PPP2R2C: variants seen among roughly 807,000 people sequenced by gnomAD.
PPP2R2C encodes the protein protein phosphatase 2, regulatory subunit B, gamma.
A neutral mutation model predicts 45.3 loss-of-function variants in PPP2R2C; 10 were observed. The observed-to-expected ratio is 0.22, with a 90% CI of 0.14 to 0.37. PPP2R2C has a LOEUF of 0.37. Among genes scored for constraint, PPP2R2C ranks in the 10% least tolerant of loss-of-function variants. The pLI is 1.00. For missense variants in PPP2R2C, 308 were observed against 619.7 expected (o/e 0.50, Z 5.34); for synonymous variants, 257 against 245.4 (o/e 1.05, Z -0.44).
chr4:6,403,148 C>CCCCA (rs1671353684), intron 1 of PPP2R2C, among the ~76,000 whole-genome samples: 1 of 152,244 alleles, frequency 6.6e-6, no homozygotes, highest in African/African-American at 2.4e-5. Context: ...GTGGGTGCCT[C>CCCCA]CCCACGTGGG....
chr4:6,408,313 T>C (rs1717932967), intron 1 of PPP2R2C, among the ~76,000 whole-genome samples: 1 of 152,102 alleles, frequency 6.6e-6, no homozygotes, highest in South Asian at 2.1e-4. Flanking sequence ...GTAGAACTGG[T>C]TTCTCCTCCT....
At chr4:6,474,059 C>G (rs1025852164), upstream of PPP2R2C, among the ~76,000 whole-genome samples, 1 of 152,164 alleles carries the variant, frequency 6.6e-6, no homozygotes, top group East Asian at 1.9e-4. Flanking sequence ...CATTCAAGGA[C>G]CAGGTAAATG....
At chr4:6,562,335 C>G (rs767360748) in intron 1 of PPP2R2C, among the ~76,000 whole-genome samples, 36 of 152,114 alleles carry the variant, frequency 2.4e-4, no homozygotes, top group Non-Finnish European at 4.9e-4. Context: ...GAGCACATGC[C>G]AAAGAGGACT....
intron 1 of PPP2R2C, among the ~76,000 whole-genome samples, chr4:6,537,151 C>A (rs945190005): frequency 6.6e-6 from 1 of 151,848 alleles, no homozygotes; most frequent in Non-Finnish European, 1.5e-5. Flanking sequence ...CACAGTGAGC[C>A]GAGATCGCTG....
intron 5 of PPP2R2C, chr4:6,350,875 G>T: frequency 1.0e-6 from 1 of 985,436 alleles, no homozygotes; most frequent in South Asian, 4.7e-5. Flanking sequence ...TGAGTGGGAG[G>T]TGTGAAGTGG....
chr4:6,425,847 TTATGTGTG>T (rs1302194776), intron 1 of PPP2R2C, among the ~76,000 whole-genome samples: 3 of 151,222 alleles, frequency 2.0e-5, no homozygotes, highest in African/African-American at 4.9e-5. Flanking sequence ...GGTGTGTGTG[TTATGTGTG>T]TATGTGTGGG....
Position 6,378,296 on chromosome 4 carries a change from G to A in PPP2R2C, c.334+111C>T. The A allele has an allele frequency of 2.6e-6, 4 of 1,552,404 alleles. No individual in the cohort carries two copies. In the South Asian group the frequency reaches 3.6e-5, roughly 14 times the overall value. On this transcript the variant is annotated intron_variant, in intron 3 of 8. Coordinates refer to ENST00000382599, the MANE Select transcript of PPP2R2C (RefSeq NM_020416.4). This position sits in a 1 kb window ranked among gnomAD's most constrained non-coding sequence, Gnocchi z 5.2. ...GCTCAAAAAGGATATTATTTTCTAG[G>A]CGTTCTGAAGACATAGAAAAATGCT...
intron 2 of PPP2R2C, among the ~76,000 whole-genome samples, chr4:6,511,546 ATGGTG>A (rs1723496121): frequency 2.3e-4 from 1 of 4,362 alleles, no homozygotes; most frequent in Non-Finnish European, 4.7e-4. Flanking sequence ...GGTGGTGGTG[ATGGTG>A]GTGGTGGTGG....
chr4:6,495,307 G>T (rs1459276480), intron 2 of PPP2R2C, among the ~76,000 whole-genome samples: 1 of 152,246 alleles, frequency 6.6e-6, no homozygotes, highest in African/African-American at 2.4e-5. Flanking sequence ...GAGGCTGGAA[G>T]GACAGTTGGC....
intron 1 of PPP2R2C, among the ~76,000 whole-genome samples, chr4:6,410,007 T>A (rs1718055970): frequency 6.6e-6 from 1 of 152,204 alleles, no homozygotes; most frequent in South Asian, 2.1e-4. Context: ...TGTCATCATC[T>A]GCATGACATG....
chr4:6,408,544 G>T (rs1324132286), intron 1 of PPP2R2C, among the ~76,000 whole-genome samples: 1 of 152,222 alleles, frequency 6.6e-6, no homozygotes, highest in East Asian at 1.9e-4. Flanking sequence ...AGGTAGGATG[G>T]TGTAAACTGA....
In PPP2R2C at chr4:6,328,106, A is replaced by C. The variant is rs1732105798; in HGVS notation, c.1052+1156T>G. 6.6e-6 allele frequency among the ~76,000 whole-genome samples: 1 copy of C among 151,924 alleles called. No individual in the cohort carries two copies. ...CCCTCAGAGGTCTGGGAGAGCCCAG[A>C]CCTGTCATGTTGACTGATGCCATCC... On this transcript the variant is annotated intron_variant, in intron 8 of 8. Coordinates refer to ENST00000382599, the MANE Select transcript of PPP2R2C (RefSeq NM_020416.4). The surrounding 1 kb of genome is among the most constrained non-coding windows in gnomAD (Gnocchi z 4.4).
In PPP2R2C at chr4:6,372,512, G is replaced by A. The variant is rs201047302; in HGVS notation, c.625+11C>T. 6.8e-4 allele frequency: 1,101 copies of A among 1,613,260 alleles called. 1 individual carries two copies. The highest frequency in any genetic ancestry group is 8.7e-4 in the Non-Finnish European group (1,031 of 1,179,326). On this transcript the variant is annotated intron_variant, in intron 5 of 8. Coordinates refer to ENST00000382599, the MANE Select transcript of PPP2R2C (RefSeq NM_020416.4). ...CGTGGGAGGCACTGGCCAGGCCACA[G>A]TGAAGGATACTGAAGCTCCTGTCGG...
At position 6,323,310 on chromosome 4, in the gene PPP2R2C, T is replaced by C; in HGVS notation, c.1336A>G (p.Met446Val). The C allele has an allele frequency of 6.2e-7, 1 of 1,600,698 alleles. No individual in the cohort carries two copies. Among genetic ancestry groups the C allele is most frequent in the Non-Finnish European group, 8.6e-7 (1 of 1,169,234 alleles). ...YIFQDKVNSD[M>V]H The stretch of plus-strand genomic sequence containing the variant: ...CCGGGAACTGCACATACCTAGTGCA[T>C]GTCAGAGTTTACCTTGTCCTGGAAG... Residue 446 changes from methionine to valine, a missense_variant, in exon 9 of 9, where the codon ATG (methionine) becomes GTG (valine). By Grantham distance (21) the Met-to-Val change is conservative. Transcript: ENST00000382599.
At chr4:6,350,577 A>G (rs1253170064) in intron 5 of PPP2R2C, 1 of 985,182 alleles carries the variant, frequency 1.0e-6, no homozygotes, top group African/African-American at 1.7e-5. Flanking sequence ...CTGGGGTTAT[A>G]ACTCATGGGG....
At chr4:6,524,406 G>A (rs959589526) in intron 2 of PPP2R2C, among the ~76,000 whole-genome samples, 2 of 152,228 alleles carry the variant, frequency 1.3e-5, no homozygotes, top group Non-Finnish European at 1.5e-5. Flanking sequence ...GGAGGAATGG[G>A]AGTGACTGCT....
intron 2 of PPP2R2C, among the ~76,000 whole-genome samples, chr4:6,495,221 C>T (rs369746803): frequency 1.3e-5 from 2 of 152,244 alleles, no homozygotes; most frequent in South Asian, 2.1e-4. Flanking sequence ...CTGCCACTCG[C>T]ATGTCTGCCA....
chr4:6,347,808 CAATGCA>C, intron 6 of PPP2R2C, 32 bp downstream of exon 6: 12 of 1,531,308 alleles, frequency 7.8e-6, no homozygotes, highest in African/African-American at 2.7e-5. Flanking sequence ...CCCGCCTGCC[CAATGCA>C]CAGCCCCCCA....
At chr4:6,477,690 TACTCC>T (rs1433812704) in intron 2 of PPP2R2C, among the ~76,000 whole-genome samples, 1 of 138,884 alleles carries the variant, frequency 7.2e-6, no homozygotes, top group African/African-American at 2.8e-5. Context: ...CGCGGCACTG[TACTCC>T]ACTCCAGCCT....
Sources: allele counts gnomAD v4.1 joint callset (sites outside exome capture counted in the v4.1 genomes callset), GRCh38; gene constraint gnomAD v4.1.1; non-coding constraint Gnocchi (gnomAD v3.1); transcripts MANE v1.5; gene names NCBI Gene and HGNC (gene_info 2026-07-23, HGNC 2026-07-21).